Variants in SLC44A5 observed in about 807,000 individuals in gnomAD.
SLC44A5 encodes solute carrier family 44 member 5.
Under a neutral mutation model 101.8 loss-of-function variants are expected in SLC44A5, and 57 were observed. The observed-to-expected ratio is 0.56, with a 90% CI of 0.45 to 0.70. SLC44A5 has a LOEUF of 0.70. Ranked by LOEUF, SLC44A5 falls within the 30% of genes least tolerant of loss-of-function variation. The pLI, the probability that SLC44A5 is intolerant of heterozygous loss-of-function variation, is 0.00. For synonymous variants in SLC44A5, 281 were observed against 290.9 expected (o/e 0.97, Z 0.35); for missense variants, 737 against 853.1 (o/e 0.86, Z 1.70).
chr1:75,521,441 T>C (rs1670118737), intron 2 of SLC44A5: 1 of 152,224 alleles, frequency 6.6e-6, no homozygotes, highest in African/African-American at 2.4e-5. Flanking sequence ...GAAATGTGAA[T>C]ATCTGTCTGA....
At chr1:75,380,546 T>A (rs1660871821) in intron 3 of SLC44A5, among the ~76,000 whole-genome samples, 2 of 82,648 alleles carry the variant, frequency 2.4e-5, no homozygotes, top group Non-Finnish European at 4.2e-5. Context: ...GCAAGTCAGG[T>A]CTCAGAGAAC....
chr1:75,665,518 G>T, the SLC44A5 span, among the ~76,000 whole-genome samples: 95 of 152,218 alleles, frequency 6.2e-4, no homozygotes, highest in African/African-American at 2.2e-3. Context: ...AAAACTTAGG[G>T]AACACTATTC....
intron 2 of SLC44A5, among the ~76,000 whole-genome samples, chr1:75,453,995 A>G (rs1666046655): frequency 6.6e-6 from 1 of 152,076 alleles, no homozygotes. Flanking sequence ...TACCAATTCT[A>G]CTGAAACTAT....
intron 2 of SLC44A5, among the ~76,000 whole-genome samples, chr1:75,438,529 T>C (rs957312705): frequency 6.6e-6 from 1 of 152,066 alleles, no homozygotes; most frequent in Non-Finnish European, 1.5e-5. Context: ...CAGTACTAAA[T>C]GAGAAGAGGA....
intron 5 of SLC44A5, among the ~76,000 whole-genome samples, chr1:75,293,859 CT>C (rs1275550164): frequency 6.6e-6 from 1 of 152,146 alleles, no homozygotes; most frequent in African/African-American, 2.4e-5. Flanking sequence ...ACTAAAATAT[CT>C]GCTCAAGTAA....
intron 2 of SLC44A5, among the ~76,000 whole-genome samples, chr1:75,455,994 A>T (rs1162645790): frequency 6.6e-6 from 1 of 152,152 alleles, no homozygotes; most frequent in Admixed American, 6.6e-5. Flanking sequence ...TTGATCCAGC[A>T]ATCTCATTAC....
the SLC44A5 span, among the ~76,000 whole-genome samples, chr1:75,660,740 G>T: frequency 6.6e-6 from 1 of 152,104 alleles, no homozygotes; most frequent in East Asian, 1.9e-4. Flanking sequence ...GATTGCATGG[G>T]AATAAATTTA....
intron 6 of SLC44A5, among the ~76,000 whole-genome samples, chr1:75,257,649 AC>A (rs1392257865): frequency 1.3e-5 from 2 of 152,134 alleles, no homozygotes; most frequent in African/African-American, 4.8e-5. Context: ...ACTGAGACTA[AC>A]ATAGGAAATT....
intron 2 of SLC44A5, among the ~76,000 whole-genome samples, chr1:75,536,748 T>C (rs1396339907): frequency 1.3e-5 from 2 of 148,882 alleles, no homozygotes; most frequent in Admixed American, 1.3e-4. Context: ...GGCTCACGCC[T>C]GTAATCCCAG....
intron 2 of SLC44A5, among the ~76,000 whole-genome samples, chr1:75,468,593 C>A (rs1023905892): frequency 6.6e-6 from 1 of 152,058 alleles, no homozygotes; most frequent in Non-Finnish European, 1.5e-5. Context: ...TCCATGTTCT[C>A]ACTTATTTGT....
intron 4 of SLC44A5, among the ~76,000 whole-genome samples, chr1:75,303,711 C>G (rs1026880244): frequency 1.3e-5 from 2 of 152,222 alleles, no homozygotes; most frequent in Non-Finnish European, 1.5e-5. Context: ...ATTTCCCCAG[C>G]AGTCTCTCAC....
At chr1:75,678,050 C>A in the SLC44A5 span, among the ~76,000 whole-genome samples, 1 of 152,232 alleles carries the variant, frequency 6.6e-6, no homozygotes, top group South Asian at 2.1e-4. Flanking sequence ...CTGCGCTTTT[C>A]CAAAGGGCTT....
intron 13 of SLC44A5, 101 bp from the exon 14 acceptor site, chr1:75,222,561 A>G (rs938476956): frequency 2.4e-5 from 16 of 671,336 alleles, no homozygotes; most frequent in Admixed American, 1.7e-4. Flanking sequence ...ATTTCTGCCA[A>G]TTCTGACACC....
intron 23 of SLC44A5, among the ~76,000 whole-genome samples, chr1:75,210,358 C>T (rs1393288125): frequency 6.6e-6 from 1 of 151,814 alleles, no homozygotes; most frequent in African/African-American, 2.4e-5. Context: ...CAGTGCCTAG[C>T]CAAAAAAAGA....
chr1:75,213,603 C>T (rs1402078825), intron 22 of SLC44A5, 102 bp downstream of exon 22: 6 of 878,646 alleles, frequency 6.8e-6, no homozygotes, highest in Non-Finnish European at 5.4e-6. Flanking sequence ...TTGGACTTCC[C>T]AGCCTTCAGA....
intron 4 of SLC44A5, among the ~76,000 whole-genome samples, chr1:75,329,819 T>C (rs1185745173): frequency 6.6e-6 from 1 of 152,160 alleles, no homozygotes; most frequent in Non-Finnish European, 1.5e-5. Flanking sequence ...GTATGGTACA[T>C]GCCTACTCCT....
Position 75,465,514 on chromosome 1 carries a change from C to T in SLC44A5, c.14-68893G>A, listed in dbSNP as rs528368139. ...GCAAACCAAAACCAAAATTAGTAGA[C>T]GAAAAGAAATAATAAAAATCAGAGC... On this transcript the variant is annotated intron_variant, in intron 2 of 23. Transcript: ENST00000370859. Among the ~76,000 whole-genome samples, 72 of 150,680 alleles carry T rather than the reference C, an allele frequency of 4.8e-4. 1 individual carries two copies. The highest frequency in any genetic ancestry group is 2.1e-3 in the East Asian group (11 of 5,128).
chr1:75,567,176 G>T (rs1385084195), intron 1 of SLC44A5, among the ~76,000 whole-genome samples: 1 of 141,698 alleles, frequency 7.1e-6, no homozygotes, highest in Non-Finnish European at 1.5e-5. Context: ...AGGTGTTTGG[G>T]TATCCCTGGT....
At chr1:75,583,290 C>T (rs1673806032) in intron 1 of SLC44A5, among the ~76,000 whole-genome samples, 1 of 152,222 alleles carries the variant, frequency 6.6e-6, no homozygotes, top group African/African-American at 2.4e-5. Flanking sequence ...ATTTGACTAT[C>T]AGATGCCCTC....
Sources: gnomAD v4.1 joint callset for allele counts (sites outside exome capture counted in the v4.1 genomes callset) on GRCh38, gnomAD v4.1.1 for gene constraint, MANE v1.5 for transcripts, NCBI Gene and HGNC (gene_info 2026-07-23, HGNC 2026-07-21) for gene names.